The following ESRP1 variants were observed in gnomAD, a reference collection of about 807,000 sequenced individuals.
ESRP1 encodes the protein epithelial splicing regulatory protein 1.
In ESRP1, 33 loss-of-function variants were observed where a neutral mutation model predicts 81.7. The observed-to-expected ratio is 0.40, with a 90% CI of 0.31 to 0.54. ESRP1 has a LOEUF of 0.54. Among genes scored for constraint, ESRP1 ranks in the 20% least tolerant of loss-of-function variants. The pLI, the probability that ESRP1 is intolerant of heterozygous loss-of-function variation, is 0.41. For synonymous variants in ESRP1, 320 were observed against 303.3 expected, an observed-to-expected ratio of 1.06 and a Z score of -0.57; for missense variants, 672 against 833.1, an observed-to-expected ratio of 0.81 and a Z score of 2.38.
rs879298943 is a variant in ESRP1, at chr8:94,700,356, G to A, written c.*35+3395G>A. On this transcript the variant is annotated intron_variant, in intron 15 of 15. Transcript: ENST00000433389. ...ATCACTCGTGTAAGAAAGAGGCAGAGGGAAATCAGACAGAGACACATACAG... is the reference window on the plus strand; with the variant it reads ...ATCACTCGTGTAAGAAAGAGGCAGAAGGAAATCAGACAGAGACACATACAG... Among the ~76,000 whole-genome samples, 5 of 152,172 alleles carry A rather than the reference G, an allele frequency of 3.3e-5. No homozygotes were observed. In the South Asian group the frequency reaches 1.0e-3, roughly 31 times the overall value.
chr8:94,684,645 A>C (rs942344437), intron 13 of ESRP1, among the ~76,000 whole-genome samples: 3 of 152,308 alleles, frequency 2.0e-5, no homozygotes. Flanking sequence ...GTTTCTCAAA[A>C]ATGTGAAACA....
At position 94,685,064 on chromosome 8, in the gene ESRP1, T is replaced by TA. The variant is rs2130691556; in HGVS notation, c.1820+6693_1820+6694insA. On this transcript the variant is annotated intron_variant, in intron 13 of 15. Transcript: ENST00000433389. ...ATATATATCTATATATGGCAAATCC[T>TA]CAAATTGTGAATGTTATCAATACTC... 2.0e-5 allele frequency among the ~76,000 whole-genome samples: 3 copies of TA among 151,930 alleles called. No homozygotes were observed. In the East Asian group the frequency reaches 5.8e-4, roughly 29 times the overall value.
At chr8:94,690,737 C>T (rs1452264921) in intron 13 of ESRP1, among the ~76,000 whole-genome samples, 2 of 151,978 alleles carry the variant, frequency 1.3e-5, no homozygotes, top group Non-Finnish European at 2.9e-5. Context: ...GATCTTTAGG[C>T]AAGTGGAATA....
At chr8:94,670,355 T>C (rs1434815424) in intron 10 of ESRP1, among the ~76,000 whole-genome samples, 2 of 152,218 alleles carry the variant, frequency 1.3e-5, no homozygotes, top group African/African-American at 4.8e-5. Flanking sequence ...GTTCTTCTAA[T>C]GTTTTTGCTG....
At chr8:94,671,788 G>T in intron 11 of ESRP1, 117 bp downstream of exon 11, 1 of 631,206 alleles carries the variant, frequency 1.6e-6, no homozygotes, top group Non-Finnish European at 2.5e-6. Flanking sequence ...ATTAGTCTTT[G>T]ATAAATAAAA....
rs548185252 is a variant in ESRP1 at position 94,649,349 on chromosome 8, C to T, written c.490+3067C>T. On this transcript the variant is annotated intron_variant, in intron 4 of 15. Coordinates refer to ENST00000433389, the MANE Select transcript of ESRP1 (RefSeq NM_017697.4). ...GGTGTTTGCCACCATATCCTGGCCT[C>T]ATTTATTTTTTAATTAGTAGGCTTT... Among the ~76,000 whole-genome samples, 8 of 152,240 alleles carry T rather than the reference C, an allele frequency of 5.3e-5. No individual in the cohort carries two copies. The East Asian group carries it at 1.5e-3, about 29-fold the overall frequency.
At chr8:94,665,659 CTT>C (rs959132862) in intron 9 of ESRP1, among the ~76,000 whole-genome samples, 86 of 152,030 alleles carry the variant, frequency 5.7e-4, no homozygotes, top group African/African-American at 2.0e-3. Context: ...GCCTGGCTAA[CTT>C]TTTGTATTTT....
At chr8:94,659,778 A>T (rs942916421) in intron 4 of ESRP1, among the ~76,000 whole-genome samples, 2 of 152,236 alleles carry the variant, frequency 1.3e-5, no homozygotes, top group East Asian at 1.9e-4. Flanking sequence ...GCTGGGTACC[A>T]CTTGTCATTT....
chr8:94,696,740 C>A, intron 14 of ESRP1, 112 bp from the exon 15 acceptor site: 1 of 750,590 alleles, frequency 1.3e-6, no homozygotes, highest in Non-Finnish European at 2.1e-6. Context: ...GTGTTTGTTT[C>A]CTCCTATCTA....
Position 94,642,075 on chromosome 8 carries a change from C to T in ESRP1, c.252C>T (p.Ala84=), listed in dbSNP as rs1358624126. The change falls in exon 2 of 16, where the codon GCC becomes GCT. Residue 84 remains alanine (A), a synonymous_variant. Coordinates refer to ENST00000433389, the MANE Select transcript of ESRP1 (RefSeq NM_017697.4). ...SLSSASQLDQ[A]LRQFNQSVSN... is the part of the protein sequence containing the mutation. ...CCTCGGCGTCGCAGCTGGACCAAGCCCTCCGACAGGTGACAACCCCGGGTC... is the reference window on the plus strand; with the variant it reads ...CCTCGGCGTCGCAGCTGGACCAAGCTCTCCGACAGGTGACAACCCCGGGTC... The T allele has an allele frequency of 5.0e-6, 8 of 1,611,704 alleles. No homozygotes were observed. Among genetic ancestry groups the T allele is most frequent in the African/African-American group, 1.3e-5 (1 of 74,920 alleles).
rs185705991 is a variant in ESRP1, at chr8:94,657,586, C to T, written c.491-4686C>T. Among the ~76,000 whole-genome samples the T allele has an allele frequency of 3.0e-4, 45 of 151,814 alleles. 1 individual carries two copies. In the East Asian group the frequency reaches 7.0e-3, roughly 24 times the overall value. On this transcript the variant is annotated intron_variant, in intron 4 of 15. Transcript: ENST00000433389. The stretch of plus-strand genomic sequence containing the variant: ...CTCAGCACCACTCATCCTGGTGTGA[C>T]GCTGATCCTGGTGTGCGATGGCTCA...
intron 4 of ESRP1, chr8:94,646,587 G>A (rs1817866973): frequency 1.1e-5 from 2 of 186,030 alleles, no homozygotes; most frequent in South Asian, 1.7e-4. Context: ...AGACTTTAGT[G>A]CAGATTCTAA....
intron 14 of ESRP1, among the ~76,000 whole-genome samples, chr8:94,695,452 T>G (rs2130724606): frequency 7.1e-6 from 1 of 141,554 alleles, no homozygotes; most frequent in East Asian, 2.2e-4. Context: ...CCTCCTGGGT[T>G]CAAGCAATTC....
At chr8:94,656,364 G>A (rs554434213) in intron 4 of ESRP1, among the ~76,000 whole-genome samples, 43 of 152,188 alleles carry the variant, frequency 2.8e-4, no homozygotes, top group African/African-American at 7.9e-4. Flanking sequence ...GACTACAGGC[G>A]CGTGCCACCA....
At chr8:94,657,455 C>A (rs940842881) in intron 4 of ESRP1, among the ~76,000 whole-genome samples, 1 of 145,396 alleles carries the variant, frequency 6.9e-6, no homozygotes, top group Admixed American at 7.2e-5. Flanking sequence ...AAGAAACTGG[C>A]CTATTGAGGC....
intron 13 of ESRP1, among the ~76,000 whole-genome samples, chr8:94,685,491 C>T (rs1054422893): frequency 4.6e-5 from 7 of 152,082 alleles, no homozygotes; most frequent in East Asian, 1.9e-4. Context: ...GTCTGGTTGA[C>T]AGTGAGACCC....
At chr8:94,691,952 C>T (rs1809418465) in intron 13 of ESRP1, among the ~76,000 whole-genome samples, 1 of 152,018 alleles carries the variant, frequency 6.6e-6, no homozygotes. Flanking sequence ...CAGGGTGAAA[C>T]TAATTGCATA....
chr8:94,691,546 C>T (rs1809403100), intron 13 of ESRP1, among the ~76,000 whole-genome samples: 1 of 152,104 alleles, frequency 6.6e-6, no homozygotes, highest in African/African-American at 2.4e-5. Context: ...TGCTGATCAC[C>T]CCCCAGTAAG....
intron 4 of ESRP1, among the ~76,000 whole-genome samples, chr8:94,655,683 G>A (rs1432060720): frequency 1.3e-5 from 2 of 151,986 alleles, no homozygotes; most frequent in African/African-American, 4.8e-5. Context: ...CTTGAGCTCA[G>A]GAGTTTGAGA....
Sources: allele counts gnomAD v4.1 joint callset (sites outside exome capture counted in the v4.1 genomes callset), GRCh38; gene constraint gnomAD v4.1.1; transcripts MANE v1.5; gene names NCBI Gene and HGNC (gene_info 2026-07-23, HGNC 2026-07-21).